The following MACF1 variants were observed in gnomAD, a reference collection of about 807,000 sequenced individuals.
The protein encoded by MACF1 is microtubule actin crosslinking factor 1.
MACF1 carries 193 observed loss-of-function variants against 854.8 expected under a neutral mutation model. That is an observed-to-expected ratio of 0.23 (90% CI 0.20 to 0.25). MACF1 has a LOEUF of 0.25. Among genes scored for constraint, MACF1 ranks in the 10% least tolerant of loss-of-function variants. The pLI, the probability that MACF1 is intolerant of heterozygous loss-of-function variation, is 1.00. For synonymous variants in MACF1, 3,185 were observed against 3,226.7 expected (o/e 0.99, Z 0.44); for missense variants, 7,722 against 8,929.1 (o/e 0.86, Z 5.45).
At chr1:39,404,333 T>G (rs1302428290) in intron 58 of MACF1, among the ~76,000 whole-genome samples, 1 of 151,748 alleles carries the variant, frequency 6.6e-6, no homozygotes, top group Non-Finnish European at 1.5e-5. Context: ...TAGCTGGGCA[T>G]GGTGGTGCAC....
intron 66 of MACF1, 48 bp from the exon 67 acceptor site, chr1:39,432,487 G>C (rs377765280): frequency 1.9e-6 from 3 of 1,595,150 alleles, no homozygotes; most frequent in Non-Finnish European, 2.6e-6. Context: ...GTTATGTGGA[G>C]ACTTGGCTGT....
chr1:39,282,314 C>G lies in MACF1; in HGVS notation c.635C>G (p.Thr212Ser). 1 of 1,614,106 alleles carries G rather than the reference C, an allele frequency of 6.2e-7. No individual in the cohort carries two copies. ...VTAGYTGIKC[T>S]NFSSCWSDGK... ...GCTGGTTACACAGGAATCAAATGCA[C>G]CAACTTTTCCTCCTGCTGGAGTGAT... Residue 212 changes from threonine to serine, a missense_variant, in exon 7 of 101, where the codon ACC becomes AGC. Physicochemically the swap from Thr to Ser is moderately conservative, Grantham distance 58. Around this residue, in one of 15 missense-constraint regions of MACF1, gnomAD observed 108 missense variants for 196.4 expected, o/e 0.55. Coordinates refer to ENST00000564288, the MANE Select transcript of MACF1 (RefSeq NM_001394062.1).
intron 58 of MACF1, among the ~76,000 whole-genome samples, chr1:39,415,931 T>C (rs1643287800): frequency 6.6e-6 from 1 of 152,188 alleles, no homozygotes; most frequent in African/African-American, 2.4e-5. Flanking sequence ...CATTTGCTGT[T>C]GACTGACTGA....
chr1:39,306,610 CTTTTT>C (rs35360749), intron 23 of MACF1, among the ~76,000 whole-genome samples: 1 of 124,506 alleles, frequency 8.0e-6, no homozygotes. Flanking sequence ...ACCATTCTAT[CTTTTT>C]TTTTTTTTTT....
At chr1:39,234,491 A>G (rs372133640) in intron 2 of MACF1, among the ~76,000 whole-genome samples, 3,308 of 81,782 alleles carry the variant, frequency 0.04, 238 homozygotes, top group South Asian at 0.12. Flanking sequence ...CAGTAGGGGC[A>G]GCCGGGCAGA....
chr1:39,444,603 T>C (rs1644186832), intron 79 of MACF1, 59 bp from the exon 80 acceptor site: 1 of 1,468,986 alleles, frequency 6.8e-7, no homozygotes, highest in Admixed American at 1.9e-5. Flanking sequence ...ACAGAATCTA[T>C]ATGTAGGTGT....
intron 6 of MACF1, among the ~76,000 whole-genome samples, chr1:39,262,397 CAAA>C (rs56376033): frequency 1.5e-5 from 1 of 68,804 alleles, no homozygotes; most frequent in African/African-American, 5.9e-5. Context: ...GACTCCATCA[CAAA>C]AAAAAAAAAA....
chr1:39,140,363 A>G lies in MACF1; in HGVS notation c.220+55925A>G, dbSNP rs1015953741. 5.3e-5 allele frequency among the ~76,000 whole-genome samples: 8 copies of G among 152,308 alleles called. No homozygotes were observed. The South Asian group carries it at 1.2e-3, about 24-fold the overall frequency. On this transcript the variant is annotated intron_variant, in intron 2 of 93. Transcript: ENST00000361689. ...GGTTAGAATTACTTGTGTAAATGTCACATCTGGCCTACTACTTTGTACTGT... is the reference window on the plus strand; with the variant it reads ...GGTTAGAATTACTTGTGTAAATGTCGCATCTGGCCTACTACTTTGTACTGT...
chr1:39,153,868 A>G (rs1323791716), intron 2 of MACF1, among the ~76,000 whole-genome samples: 1 of 152,242 alleles, frequency 6.6e-6, no homozygotes, highest in East Asian at 1.9e-4. Flanking sequence ...TCCACCAGAC[A>G]CTGCTGCCAG....
At chr1:39,470,257 T>G (rs1265213905) in intron 97 of MACF1, among the ~76,000 whole-genome samples, 2 of 152,244 alleles carry the variant, frequency 1.3e-5, no homozygotes, top group Non-Finnish European at 2.9e-5. Context: ...AATTCAGATA[T>G]GCCCCTAAGT....
chr1:39,248,574 A>T (rs1645007384), intron 2 of MACF1, among the ~76,000 whole-genome samples: 1 of 119,154 alleles, frequency 8.4e-6, no homozygotes, highest in Non-Finnish European at 1.8e-5. Flanking sequence ...ACTCAAATGT[A>T]AAAATCCCCA....
At chr1:39,153,588 G>T (rs750647280) in intron 2 of MACF1, among the ~76,000 whole-genome samples, 2 of 152,160 alleles carry the variant, frequency 1.3e-5, no homozygotes, top group East Asian at 1.9e-4. Context: ...TCTAATCCAC[G>T]TGAAGTAATT....
chr1:39,470,254 A>T (rs1644751080), intron 97 of MACF1, among the ~76,000 whole-genome samples: 1 of 152,246 alleles, frequency 6.6e-6, no homozygotes, highest in Non-Finnish European at 1.5e-5. Flanking sequence ...ATGAATTCAG[A>T]TATGCCCCTA....
At chr1:39,116,066 G>A (rs1225632833) in intron 2 of MACF1, among the ~76,000 whole-genome samples, 2 of 152,084 alleles carry the variant, frequency 1.3e-5, no homozygotes, top group East Asian at 3.9e-4. Context: ...GGTGGGGAGA[G>A]TTTTGTTTAT....
chr1:39,376,423 A>G (rs1431265512), intron 52 of MACF1, among the ~76,000 whole-genome samples: 1 of 152,178 alleles, frequency 6.6e-6, no homozygotes, highest in East Asian at 1.9e-4. Context: ...TTCATAAAGT[A>G]CTTTGATATA....
intron 61 of MACF1, among the ~76,000 whole-genome samples, chr1:39,425,156 C>A (rs765667458): frequency 1.3e-5 from 2 of 152,086 alleles, no homozygotes; most frequent in Non-Finnish European, 2.9e-5. Flanking sequence ...TTTTACTTTT[C>A]TTTTTTTAAT....
At chr1:39,160,211 G>A (rs1447715061) in intron 2 of MACF1, among the ~76,000 whole-genome samples, 6 of 152,086 alleles carry the variant, frequency 3.9e-5, no homozygotes, top group Non-Finnish European at 8.8e-5. Flanking sequence ...TAACTACTTG[G>A]GAAGCTGAGG....
At chr1:39,260,698 A>G (rs547615986) in intron 6 of MACF1, among the ~76,000 whole-genome samples, 50 of 152,258 alleles carry the variant, frequency 3.3e-4, no homozygotes, top group Admixed American at 1.8e-3. Context: ...GGGCAGAGCT[A>G]GGCAATACTT....
chr1:39,385,368 T>G, intron 56 of MACF1, 66 bp from the exon 57 acceptor site: 2 of 1,550,672 alleles, frequency 1.3e-6, no homozygotes, highest in South Asian at 2.5e-5. Context: ...GTGCCTGGCC[T>G]GACACTGCTT....
Sources: gnomAD v4.1 joint callset for allele counts (sites outside exome capture counted in the v4.1 genomes callset) on GRCh38, gnomAD v4.1.1 for gene constraint, gnomAD v4.1.1 regional missense constraint, MANE v1.5 for transcripts, NCBI Gene and HGNC (gene_info 2026-07-23, HGNC 2026-07-21) for gene names.